IDUA: variants seen among roughly 807,000 people sequenced by gnomAD.
The protein encoded by IDUA is iduronidase alpha-L-.
A neutral mutation model predicts 68.9 loss-of-function variants in IDUA; 65 were observed. The observed-to-expected ratio is 0.94, with a 90% confidence interval of 0.77 to 1.16. The LOEUF (loss-of-function observed/expected upper bound fraction) is 1.16. IDUA is among the 50% of genes most tolerant of loss of function. The probability of loss-of-function intolerance (pLI) is 0.00; values close to 1 mark genes in which losing one functional copy is unlikely to be tolerated. For missense variants in IDUA, 1,046 were observed against 938.0 expected (o/e 1.12, Z -1.50); for synonymous variants, 529 against 433.6 (o/e 1.22, Z -2.73).
Position 1,003,154 on chromosome 4 carries a change from T to C in IDUA, c.1521T>C (p.Ala507=). 1 of 1,355,822 alleles carries C rather than the reference T, an allele frequency of 7.4e-7. No individual in the cohort carries two copies. The highest frequency in any genetic ancestry group is 9.5e-7 in the Non-Finnish European group (1 of 1,057,738). The allele number at this position is 1,355,822 out of a possible 1,614,324, so 84.0% of individuals were successfully genotyped here. ...TAEQFRRMRA[A]EDPVAAAPRP... ...AGCAGTTCCGGCGCATGCGCGCGGC[T>C]GAGGTAGGTGGGCCGCGGAGGGGCG... Residue 507 remains alanine (A), a synonymous_variant, in exon 10 of 14, where the codon GCT becomes GCC. Transcript: ENST00000514224.
At chr4:989,564 C>G in intron 2 of IDUA, 3 of 1,588,338 alleles carry the variant, frequency 1.9e-6, no homozygotes, top group Non-Finnish European at 2.6e-6. Context: ...CGCGGGAGGT[C>G]CCACACCTTG....
intron 1 of IDUA, 137 bp from the exon 2 acceptor site, chr4:987,672 G>T: frequency 1.3e-6 from 2 of 1,491,382 alleles, no homozygotes; most frequent in South Asian, 2.6e-5. Context: ...GGCCCTAAGG[G>T]TCATTTTATT....
chr4:1,000,535 GT>G, intron 2 of IDUA, 76 bp from the exon 3 acceptor site: 2 of 1,166,870 alleles, frequency 1.7e-6, no homozygotes, highest in Non-Finnish European at 2.6e-6. Context: ...CACATGCTCC[GT>G]TGTGGCCACG....
At position 1,004,558 on chromosome 4, in the gene IDUA, C is replaced by G; in HGVS notation, c.*165C>G. The G allele has an allele frequency of 1.4e-6, 1 of 706,386 alleles. No individual in the cohort carries two copies. The highest frequency in any genetic ancestry group is 2.3e-6 in the Non-Finnish European group (1 of 443,152). 43.8% of individuals were successfully genotyped at this position (706,386 alleles called of 1,614,324 possible). On this transcript the variant is annotated 3_prime_UTR_variant, in exon 14 of 14. Coordinates refer to ENST00000514224, the MANE Select transcript of IDUA (RefSeq NM_000203.5). This position sits in a 1 kb window ranked among gnomAD's most constrained non-coding sequence, Gnocchi z 5.0. ...ACGCCCCCTTTAAAGCGGCTTTGCA[C>G]AGGTCAGTCTCGGGTTGAGGCTCTG...
At position 987,128 on chromosome 4, in the gene IDUA, C is replaced by A; in HGVS notation, c.44C>A (p.Ala15Asp). Residue 15 changes from alanine (A) to aspartate (D), a missense_variant, in exon 1 of 14, where the codon GCC becomes GAC. By Grantham distance (126) the Ala-to-Asp change is moderately radical (BLOSUM62 -2). Transcript: ENST00000514224. Reference sequence around the variant, plus strand: ...CGCGCCGCGCTGCTGGCGCTCCTGGCCTCGCTCCTGGCCGCGCCCCCGGTG... The same window carrying A: ...CGCGCCGCGCTGCTGGCGCTCCTGGACTCGCTCCTGGCCGCGCCCCCGGTG... ...RPRAALLALL[A>D]SLLAAPPVAP... The A allele has an allele frequency of 6.9e-7, 1 of 1,439,340 alleles. No individual in the cohort carries two copies. Among genetic ancestry groups the A allele is most frequent in the Non-Finnish European group, 9.1e-7 (1 of 1,101,020 alleles). 89.2% of individuals were successfully genotyped at this position (1,439,340 alleles called of 1,614,324 possible). A position where few individuals can be genotyped will look rare whatever the true frequency, so the allele number is the denominator to read the frequency against.
intron 4 of IDUA, 135 bp downstream of exon 4, chr4:1,001,124 G>A (rs1343620245): frequency 1.1e-5 from 8 of 698,078 alleles, no homozygotes; most frequent in Non-Finnish European, 2.0e-5. Context: ...GGGGGATGGG[G>A]GTGACAAGGG....
intron 10 of IDUA, 28 bp from the exon 11 acceptor site, chr4:1,003,317 A>C: frequency 7.0e-7 from 1 of 1,426,770 alleles, no homozygotes; most frequent in Non-Finnish European, 9.1e-7. Context: ...TCCCCTGGAG[A>C]ACCCTGAGGA....
intron 2 of IDUA, chr4:990,198 G>A: frequency 6.4e-7 from 1 of 1,562,088 alleles, no homozygotes; most frequent in Non-Finnish European, 8.7e-7. Flanking sequence ...TCAGCCATGT[G>A]AGGACCACCA....
At chr4:989,559 G>A in intron 2 of IDUA, 1 of 1,583,440 alleles carries the variant, frequency 6.3e-7, no homozygotes, top group Non-Finnish European at 8.6e-7. Flanking sequence ...ACAGCCGCGG[G>A]AGGTCCCACA....
Position 1,001,717 on chromosome 4 carries a change from C to T in IDUA, c.628C>T (p.Arg210Cys), listed in dbSNP as rs992408218. 1 of 1,598,886 alleles carries T rather than the reference C, an allele frequency of 6.3e-7. No homozygotes were observed. The change falls in exon 6 of 14, where the codon CGC becomes TGC. Residue 210 changes from arginine (R) to cysteine (C), a missense_variant. Coordinates refer to ENST00000514224, the MANE Select transcript of IDUA (RefSeq NM_000203.5). Reference sequence around the variant, plus strand: ...CTACGATGCCTGCTCGGAGGGTCTGCGCGCCGCCAGCCCCGCCCTGCGGCT... The same window carrying T: ...CTACGATGCCTGCTCGGAGGGTCTGTGCGCCGCCAGCCCCGCCCTGCGGCT... ...NYYDACSEGL[R>C]AASPALRLGG...
chr4:988,565 C>A, intron 2 of IDUA: 3 of 1,320,388 alleles, frequency 2.3e-6, no homozygotes, highest in Non-Finnish European at 1.9e-6. Flanking sequence ...CCCTCCTGAG[C>A]TGAGGGACGG....
chr4:997,109 G>A (rs1233777589), intron 2 of IDUA, among the ~76,000 whole-genome samples: 1 of 152,184 alleles, frequency 6.6e-6, no homozygotes, highest in Admixed American at 6.5e-5. Context: ...CCACCCGTGG[G>A]AAGAAGCCCG....
intron 2 of IDUA, chr4:991,738 CGAG>C (rs1714361664): frequency 6.5e-7 from 1 of 1,527,142 alleles, no homozygotes; most frequent in Non-Finnish European, 8.7e-7. Flanking sequence ...GACCTGCGGC[CGAG>C]AAGAGGGCAT....
chr4:995,693 G>T (rs1714705254), intron 2 of IDUA, among the ~76,000 whole-genome samples: 1 of 152,234 alleles, frequency 6.6e-6, no homozygotes, highest in Non-Finnish European at 1.5e-5. Flanking sequence ...CGAGGACACT[G>T]ACATTGATGG....
Position 1,003,340 on chromosome 4 carries a change from C to T in IDUA, c.1525-5C>T, listed in dbSNP as rs2153022876. ...AGAACCCTGAGGACCGGCCACTGCG[C>T]CCAGGACCCGGTGGCCGCGGCGCCC... On this transcript the variant is annotated splice_polypyrimidine_tract_variant and splice_region_variant and intron_variant, in intron 10 of 13. Coordinates refer to ENST00000514224, the MANE Select transcript of IDUA (RefSeq NM_000203.5). 13 of 1,456,302 alleles carry T rather than the reference C, an allele frequency of 8.9e-6. No homozygotes were observed. Among genetic ancestry groups the T allele is most frequent in the Non-Finnish European group, 1.2e-5 (13 of 1,113,544 alleles). 90.2% of individuals were successfully genotyped at this position (1,456,302 alleles called of 1,614,324 possible). A position where few individuals can be genotyped will look rare whatever the true frequency, so the allele number is the denominator to read the frequency against.
intron 2 of IDUA, chr4:989,985 G>T (rs963110682): frequency 2.6e-6 from 4 of 1,560,266 alleles, no homozygotes; most frequent in African/African-American, 2.7e-5. Flanking sequence ...CGCCAGCCAC[G>T]CTCGAGCCAA....
chr4:1,002,585 G>A, intron 8 of IDUA, 100 bp downstream of exon 8: 2 of 1,247,872 alleles, frequency 1.6e-6, no homozygotes, highest in Non-Finnish European at 1.0e-6. Context: ...CTCCAGCCGC[G>A]CGCTTCCCGG....
rs1201137456 is a variant in IDUA at position 1,001,661 on chromosome 4, A to G, written c.590-18A>G. 2.5e-6 allele frequency: 4 copies of G among 1,603,988 alleles called. No homozygotes were observed. Among genetic ancestry groups the G allele is most frequent in the African/African-American group, 2.7e-5 (2 of 74,818 alleles). ...TCATCCCCAGGGCAGGTGTAGACGC[A>G]GTGCTCCCCCGGCCCAGGCTTCCTG... is the stretch of plus-strand genomic sequence containing the variant. On this transcript the variant is annotated intron_variant, in intron 5 of 13. Transcript: ENST00000514224.
In IDUA at chr4:1,000,015, C is replaced by G. The variant is rs60004363; in HGVS notation, c.300-597C>G. 444 of 107,456 alleles carry G rather than the reference C, an allele frequency of 4.1e-3. 12 individuals carry two copies. Among genetic ancestry groups the G allele is most frequent in the African/African-American group, 0.013 (336 of 25,236 alleles). 6.7% of individuals were successfully genotyped at this position (107,456 alleles called of 1,614,324 possible). On this transcript the variant is annotated intron_variant, in intron 2 of 13. Transcript: ENST00000514224. ...GCAGGGCGGCCCCCTTCTCCCTTGACGACGCCTGTCCCCTCGGAATGCAGG... is the reference window on the plus strand; with the variant it reads ...GCAGGGCGGCCCCCTTCTCCCTTGAGGACGCCTGTCCCCTCGGAATGCAGG...
Sources: gnomAD v4.1 joint callset for allele counts (sites outside exome capture counted in the v4.1 genomes callset) on GRCh38, gnomAD v4.1.1 for gene constraint, Gnocchi (gnomAD v3.1) non-coding constraint, MANE v1.5 for transcripts, NCBI Gene and HGNC (gene_info 2026-07-23, HGNC 2026-07-21) for gene names.